MYO3B: variants seen among roughly 807,000 people sequenced by gnomAD.
MYO3B encodes the protein myosin-IIIb.
A neutral mutation model predicts 174.6 loss-of-function variants in MYO3B; 156 were observed. The observed-to-expected ratio is 0.89, with a 90% CI of 0.78 to 1.02. The LOEUF (loss-of-function observed/expected upper bound fraction) is 1.02. Among genes scored for constraint, MYO3B ranks in the 50% least tolerant of loss-of-function variants. The probability of loss-of-function intolerance (pLI) is 0.00; values close to 1 mark genes in which losing one functional copy is unlikely to be tolerated. For synonymous variants in MYO3B, 563 were observed against 569.1 expected (o/e 0.99, Z 0.15); for missense variants, 1,632 against 1,639.4 (o/e 1.00, Z 0.08).
At chr2:170,321,706 T>A (rs1423992892) in intron 7 of MYO3B, among the ~76,000 whole-genome samples, 1 of 152,188 alleles carries the variant, frequency 6.6e-6, no homozygotes, top group Non-Finnish European at 1.5e-5. Flanking sequence ...GTGTTTCTGA[T>A]GACTTAATGT....
At chr2:170,542,409 A>G (rs1295586642) in intron 30 of MYO3B, among the ~76,000 whole-genome samples, 1 of 152,250 alleles carries the variant, frequency 6.6e-6, no homozygotes, top group East Asian at 1.9e-4. Context: ...TCTTTACTAT[A>G]GAGATCCATA....
intron 32 of MYO3B, among the ~76,000 whole-genome samples, chr2:170,576,008 C>G (rs1692760238): frequency 1.3e-5 from 2 of 152,306 alleles, no homozygotes; most frequent in Non-Finnish European, 1.5e-5. Context: ...TACCCAAGAT[C>G]ATGAGGCAAT....
intron 30 of MYO3B, among the ~76,000 whole-genome samples, chr2:170,525,951 G>C (rs1575116602): frequency 1.3e-5 from 2 of 152,186 alleles, no homozygotes; most frequent in East Asian, 3.9e-4. Flanking sequence ...GTGTGGTCAA[G>C]TTAGTGCACT....
chr2:170,287,095 A>G (rs2093562130), intron 7 of MYO3B, among the ~76,000 whole-genome samples: 1 of 152,174 alleles, frequency 6.6e-6, no homozygotes, highest in Admixed American at 6.6e-5. Context: ...TCCATTGTGT[A>G]TGTCTACCAC....
chr2:170,335,499 A>C (rs1338163402), intron 8 of MYO3B, 49 bp downstream of exon 8: 1 of 1,410,410 alleles, frequency 7.1e-7, no homozygotes, highest in East Asian at 2.3e-5. Context: ...GGCCTTGAGC[A>C]GTGATTGGAG....
At chr2:170,362,885 A>T (rs1159124958) in intron 8 of MYO3B, among the ~76,000 whole-genome samples, 2 of 152,222 alleles carry the variant, frequency 1.3e-5, no homozygotes, top group Non-Finnish European at 2.9e-5. Context: ...GGCATTAGTC[A>T]TTTTGAGAAA....
chr2:170,291,818 A>G (rs986043252), intron 7 of MYO3B, among the ~76,000 whole-genome samples: 8 of 151,696 alleles, frequency 5.3e-5, no homozygotes, highest in African/African-American at 1.5e-4. Flanking sequence ...GAGATCCTTT[A>G]TATCTTATTT....
chr2:170,421,103 TAGAG>T (rs776571658), intron 22 of MYO3B, among the ~76,000 whole-genome samples: 1 of 152,154 alleles, frequency 6.6e-6, no homozygotes, highest in Admixed American at 6.5e-5. Flanking sequence ...TCTGTCCAGA[TAGAG>T]AGTGCGATTT....
intron 1 of MYO3B, among the ~76,000 whole-genome samples, chr2:170,198,716 G>C (rs900025181): frequency 1.3e-5 from 2 of 152,260 alleles, no homozygotes; most frequent in Middle Eastern, 3.4e-3. Context: ...AACATAGAGC[G>C]AGGATAAAAA....
intron 25 of MYO3B, among the ~76,000 whole-genome samples, chr2:170,482,151 TTC>T (rs1685729397): frequency 6.7e-6 from 1 of 148,438 alleles, no homozygotes; most frequent in African/African-American, 2.5e-5. Context: ...CCTGCACAAG[TTC>T]TCTCTCTTTT....
At chr2:170,408,083 A>G (rs1282613270) in intron 22 of MYO3B, among the ~76,000 whole-genome samples, 2 of 152,252 alleles carry the variant, frequency 1.3e-5, no homozygotes, top group Non-Finnish European at 2.9e-5. Flanking sequence ...TACACTATCC[A>G]TAACATCAAC....
chr2:170,207,777 G>C (rs2092729776), intron 3 of MYO3B, among the ~76,000 whole-genome samples: 1 of 151,920 alleles, frequency 6.6e-6, no homozygotes, highest in Non-Finnish European at 1.5e-5. Flanking sequence ...TACTCATCTA[G>C]AAAGAGGAGA....
chr2:170,608,557 A>G (rs1288945948), intron 32 of MYO3B, among the ~76,000 whole-genome samples: 1 of 152,080 alleles, frequency 6.6e-6, no homozygotes, highest in Non-Finnish European at 1.5e-5. Flanking sequence ...GTTACCGTTT[A>G]CATGTCCTTT....
Position 170,350,769 on chromosome 2 carries a change from A to G in MYO3B, c.815+15319A>G, listed in dbSNP as rs950049463. 5.3e-5 allele frequency: 8 copies of G among 152,380 alleles called. No homozygotes were observed. The South Asian group carries it at 6.2e-4, about 12-fold the overall frequency. The allele number at this position is 152,380 out of a possible 1,614,324, so 9.4% of individuals were successfully genotyped here. On this transcript the variant is annotated intron_variant, in intron 8 of 34. Transcript: ENST00000408978. ...CTTAATACATTAATATGATACATAC[A>G]TTAATAGCTTAATAGCTTCACACTA...
In MYO3B at chr2:170,333,168, A is replaced by G. The variant is rs529934346; in HGVS notation, c.750-2217A>G. 2.6e-5 allele frequency among the ~76,000 whole-genome samples: 4 copies of G among 152,310 alleles called. No individual in the cohort carries two copies. In the South Asian group the frequency reaches 8.3e-4, roughly 32 times the overall value. On this transcript the variant is annotated intron_variant, in intron 7 of 34. Transcript: ENST00000408978. ...AATCCTGGATACGGCTGTAGAGATG[A>G]TCTAGGATAACGGACTCACTGAAAG...
At chr2:170,454,975 C>T (rs1180679290) in intron 23 of MYO3B, among the ~76,000 whole-genome samples, 2 of 152,070 alleles carry the variant, frequency 1.3e-5, no homozygotes, top group Admixed American at 1.3e-4. Flanking sequence ...GCCACAAGAC[C>T]AGATGAGCCA....
intron 28 of MYO3B, among the ~76,000 whole-genome samples, chr2:170,512,465 G>A (rs1014713041): frequency 1.3e-5 from 2 of 152,128 alleles, no homozygotes; most frequent in African/African-American, 2.4e-5. Flanking sequence ...ATCCGTATGA[G>A]CCTTCTCTGC....
At chr2:170,361,780 C>T (rs2094163424) in intron 8 of MYO3B, among the ~76,000 whole-genome samples, 1 of 152,194 alleles carries the variant, frequency 6.6e-6, no homozygotes, top group Non-Finnish European at 1.5e-5. Context: ...TTTTCCTCCT[C>T]CCAGACTGAT....
chr2:170,246,795 G>A (rs1182638016), intron 7 of MYO3B, among the ~76,000 whole-genome samples: 2 of 152,096 alleles, frequency 1.3e-5, no homozygotes, highest in African/African-American at 4.8e-5. Context: ...ATCTAGTTTG[G>A]AGTCCATTGC....
Sources: gnomAD v4.1 joint callset for allele counts (sites outside exome capture counted in the v4.1 genomes callset) on GRCh38, gnomAD v4.1.1 for gene constraint, MANE v1.5 for transcripts, NCBI Gene and HGNC (gene_info 2026-07-23, HGNC 2026-07-21) for gene names.